Variants in SGF29 observed in about 807,000 individuals in gnomAD.
SGF29 encodes the protein SAGA-associated factor 29.
In SGF29, 15 loss-of-function variants were observed where a neutral mutation model predicts 38.1. The observed-to-expected ratio is 0.39, with a 90% CI of 0.26 to 0.61. The LOEUF (loss-of-function observed/expected upper bound fraction) is 0.61. Ranked by LOEUF, SGF29 falls within the 20% of genes least tolerant of loss-of-function variation. SGF29 has a pLI of 0.49. For synonymous variants in SGF29, 151 were observed against 160.8 expected, an observed-to-expected ratio of 0.94 and a Z score of 0.46; for missense variants, 184 against 394.6, an observed-to-expected ratio of 0.47 and a Z score of 4.52.
chr16:28,583,081 C>T (rs1398834312), intron 2 of SGF29, among the ~76,000 whole-genome samples: 2 of 152,264 alleles, frequency 1.3e-5, no homozygotes, highest in African/African-American at 2.4e-5. Context: ...CCATCTCACC[C>T]GTCAGCTTCC....
chr16:28,580,269 C>T (rs2046917674), intron 1 of SGF29, among the ~76,000 whole-genome samples: 1 of 152,080 alleles, frequency 6.6e-6, no homozygotes, highest in Non-Finnish European at 1.5e-5. Context: ...GATAGCTTGC[C>T]ACTGTATTCA....
At chr16:28,562,779 C>T (rs2046797114) in intron 1 of SGF29, among the ~76,000 whole-genome samples, 2 of 151,618 alleles carry the variant, frequency 1.3e-5, no homozygotes, top group African/African-American at 4.8e-5. Flanking sequence ...TGGTACATGC[C>T]TATAGTCTCA....
chr16:28,563,509 T>C (rs537768386), intron 1 of SGF29, among the ~76,000 whole-genome samples: 6 of 152,308 alleles, frequency 3.9e-5, no homozygotes, highest in African/African-American at 1.4e-4. Flanking sequence ...TGTGTGTCTT[T>C]GTCAGCAAAA....
intron 9 of SGF29, 77 bp downstream of exon 9, chr16:28,591,012 C>G (rs1267796976): frequency 6.8e-7 from 1 of 1,466,294 alleles, no homozygotes; most frequent in South Asian, 1.3e-5. Flanking sequence ...GTCCTCTCCC[C>G]ACTCCTTCCC....
At chr16:28,589,983 T>C in intron 5 of SGF29, 113 bp from the exon 6 acceptor site, 1 of 1,428,216 alleles carries the variant, frequency 7.0e-7, no homozygotes, top group Non-Finnish European at 9.3e-7. Context: ...GCCCTCGGGC[T>C]CACTCGGGAA....
At chr16:28,571,608 A>AAAG (rs2046865138) in intron 1 of SGF29, among the ~76,000 whole-genome samples, 1 of 151,682 alleles carries the variant, frequency 6.6e-6, no homozygotes, top group East Asian at 1.9e-4. Context: ...AAAAAAAAAA[A>AAAG]AGATTCTGAA....
intron 1 of SGF29, among the ~76,000 whole-genome samples, chr16:28,556,544 AC>A (rs1418803517): frequency 6.6e-6 from 1 of 152,156 alleles, no homozygotes; most frequent in Non-Finnish European, 1.5e-5. Flanking sequence ...ACAGGGTTTC[AC>A]CATGTTGGCC....
At chr16:28,556,764 C>T (rs1429262188) in intron 1 of SGF29, among the ~76,000 whole-genome samples, 2 of 152,138 alleles carry the variant, frequency 1.3e-5, no homozygotes, top group Non-Finnish European at 2.9e-5. Context: ...CTGCCATAGC[C>T]TCCTGAGTAG....
chr16:28,579,846 G>T (rs1462385600), intron 1 of SGF29, among the ~76,000 whole-genome samples: 1 of 151,902 alleles, frequency 6.6e-6, no homozygotes, highest in East Asian at 2.0e-4. Flanking sequence ...CAGGAGAATT[G>T]CTTGAACCTG....
Position 28,558,272 on chromosome 16 carries a change from A to AT in SGF29, c.-16+4190dup, listed in dbSNP as rs1186161802. Among the ~76,000 whole-genome samples the AT allele has an allele frequency of 0.031, 4,233 of 135,584 alleles. 332 individuals are homozygous for AT. In the South Asian group the frequency reaches 0.35, roughly 11 times the overall value. The allele number at this position is 135,584 out of a possible 152,430, so 88.9% of individuals were successfully genotyped here. On this transcript the variant is annotated intron_variant, in intron 1 of 9. Coordinates refer to ENST00000317058, the MANE Select transcript of SGF29 (RefSeq NM_138414.3). ...AGGCATGCACCACCATGCCCAGCTA[A>AT]TTTTTTTTTTTTTTTGTATTTTTAG...
intron 1 of SGF29, among the ~76,000 whole-genome samples, chr16:28,556,434 G>A (rs986508173): frequency 7.2e-5 from 11 of 152,208 alleles, no homozygotes; most frequent in African/African-American, 2.4e-4. Context: ...TGCAACCTCC[G>A]CCTTCCGGTT....
chr16:28,567,324 T>G (rs530091745), intron 1 of SGF29, among the ~76,000 whole-genome samples: 9 of 152,340 alleles, frequency 5.9e-5, no homozygotes, highest in Non-Finnish European at 1.0e-4. Flanking sequence ...CTCATAGTTT[T>G]GAAGGTGCCA....
intron 9 of SGF29, 80 bp from the exon 10 acceptor site, chr16:28,591,510 G>A (rs1221599344): frequency 3.1e-6 from 3 of 964,834 alleles, no homozygotes; most frequent in Non-Finnish European, 3.4e-6. Flanking sequence ...AGAGCCTCCT[G>A]TGGTCTAGGC....
At chr16:28,565,277 G>T (rs564652080) in intron 1 of SGF29, among the ~76,000 whole-genome samples, 4 of 152,222 alleles carry the variant, frequency 2.6e-5, no homozygotes, top group African/African-American at 9.6e-5. Context: ...GACACACCCA[G>T]GAACAGCGCT....
intron 1 of SGF29, among the ~76,000 whole-genome samples, chr16:28,571,507 C>A (rs1298357615): frequency 6.6e-6 from 1 of 150,800 alleles, no homozygotes; most frequent in African/African-American, 2.4e-5. Context: ...GCAGGAGAAT[C>A]GCTTGAACCA....
intron 1 of SGF29, among the ~76,000 whole-genome samples, chr16:28,557,285 C>G (rs1395612268): frequency 1.3e-5 from 2 of 152,186 alleles, no homozygotes; most frequent in Non-Finnish European, 2.9e-5. Context: ...CAAAAAGCTA[C>G]TCTGACTAGC....
At chr16:28,564,784 TATACAC>T (rs1368240019) in intron 1 of SGF29, among the ~76,000 whole-genome samples, 18 of 118,130 alleles carry the variant, frequency 1.5e-4, no homozygotes, top group East Asian at 4.5e-4. Context: ...TATATATATA[TATACAC>T]ACACACACAC....
chr16:28,590,121 T>C lies in SGF29; in HGVS notation c.315T>C (p.Asn105=). 1 of 1,611,930 alleles carries C rather than the reference T, an allele frequency of 6.2e-7. No individual in the cohort carries two copies. Among genetic ancestry groups the C allele is most frequent in the Non-Finnish European group, 8.5e-7 (1 of 1,179,362 alleles). ...RIAAKIAGLY[N]DSEPPRKTMR... is the part of the protein sequence containing the mutation. ...CGGCCAAGATTGCCGGTCTCTACAA[T>C]GACTCGGAGCCACCCCGGAAGACCA... Residue 105 remains asparagine (N), a synonymous_variant, in exon 6 of 10, where the codon AAT becomes AAC. Coordinates refer to ENST00000317058, the MANE Select transcript of SGF29 (RefSeq NM_138414.3). The surrounding 1 kb of genome is among the most constrained non-coding windows in gnomAD (Gnocchi z 8.2).
At chr16:28,559,321 A>G (rs1446590683) in intron 1 of SGF29, among the ~76,000 whole-genome samples, 1 of 152,184 alleles carries the variant, frequency 6.6e-6, no homozygotes, top group Non-Finnish European at 1.5e-5. Flanking sequence ...ACCCTGTCTC[A>G]AATAAGTAGA....
Sources: gnomAD v4.1 joint callset for allele counts (sites outside exome capture counted in the v4.1 genomes callset) on GRCh38, gnomAD v4.1.1 for gene constraint, Gnocchi (gnomAD v3.1) non-coding constraint, MANE v1.5 for transcripts, NCBI Gene and HGNC (gene_info 2026-07-23, HGNC 2026-07-21) for gene names.